The following GRB2 variants were observed in gnomAD, a reference collection of about 807,000 sequenced individuals.
GRB2 encodes growth factor receptor bound protein 2, also known as growth factor receptor-bound protein 2.
GRB2 carries 2 observed loss-of-function variants against 27.4 expected under a neutral mutation model. The ratio of observed to expected loss-of-function variants is 0.07; its 90% CI spans 0.03 to 0.23. The LOEUF (loss-of-function observed/expected upper bound fraction) is 0.23. Ranked by LOEUF, GRB2 falls within the 10% of genes least tolerant of loss-of-function variation. The pLI, the probability that GRB2 is intolerant of heterozygous loss-of-function variation, is 1.00. For synonymous variants in GRB2, 94 were observed against 99.6 expected, an observed-to-expected ratio of 0.94 and a Z score of 0.33; for missense variants, 102 against 282.4, an observed-to-expected ratio of 0.36 and a Z score of 4.58.
intron 2 of GRB2, among the ~76,000 whole-genome samples, chr17:75,359,648 T>G (rs1005280556): frequency 6.6e-5 from 10 of 152,178 alleles, no homozygotes; most frequent in Admixed American, 2.0e-4. Context: ...CCTGCCTTCC[T>G]GCCTTGAACT....
At position 75,332,784 on chromosome 17, in the gene GRB2, T is replaced by A; in HGVS notation, c.92A>T (p.Glu31Val). The change falls in exon 3 of 6, where the codon GAA becomes GTA. Residue 31 changes from glutamate to valine, a missense_variant. Physicochemically the swap from Glu to Val is moderately radical, Grantham distance 121. Transcript: ENST00000316804. ...TGCCTTGTACCAGTTCTGATCACATTCTTCGTTCAAAACCTGAAAAGAAAT... is the reference window on the plus strand; with the variant it reads ...TGCCTTGTACCAGTTCTGATCACATACTTCGTTCAAAACCTGAAAAGAAAT... ...RGDILKVLNE[E>V]CDQNWYKAEL... is the part of the protein sequence containing the mutation. The A allele has an allele frequency of 1.2e-6, 2 of 1,603,710 alleles. No individual in the cohort carries two copies. The highest frequency in any genetic ancestry group is 1.7e-6 in the Non-Finnish European group (2 of 1,173,944).
chr17:75,389,468 T>C (rs887315401), intron 2 of GRB2, among the ~76,000 whole-genome samples: 5 of 152,236 alleles, frequency 3.3e-5, no homozygotes, highest in East Asian at 1.9e-4. Context: ...CCAAGAATGA[T>C]AGTTGTGTGA....
intron 2 of GRB2, among the ~76,000 whole-genome samples, chr17:75,339,562 G>A (rs939786637): frequency 1.3e-5 from 2 of 151,108 alleles, no homozygotes; most frequent in Non-Finnish European, 2.9e-5. Flanking sequence ...ACCTGGGTGT[G>A]TTCTGTTTGT....
intron 2 of GRB2, among the ~76,000 whole-genome samples, chr17:75,364,284 C>T (rs1361752420): frequency 1.3e-5 from 2 of 152,182 alleles, no homozygotes; most frequent in East Asian, 1.9e-4. Context: ...TATTACATAC[C>T]TATGTAGACA....
At chr17:75,327,973 G>A (rs1712114849) in intron 3 of GRB2, among the ~76,000 whole-genome samples, 1 of 151,082 alleles carries the variant, frequency 6.6e-6, no homozygotes, top group Non-Finnish European at 1.5e-5. Flanking sequence ...TGCAGTGCCT[G>A]GAAATCAGGC....
rs974411848 is a variant in GRB2, at chr17:75,390,760, G to A, written c.78+2791C>T. ...AAGTTAACCAGGAACTCCAAGACAG[G>A]AGAAGATGTGATCCTTCTGAACTAT... On this transcript the variant is annotated intron_variant, in intron 2 of 5. Coordinates refer to ENST00000316804, the MANE Select transcript of GRB2 (RefSeq NM_002086.5). Among the ~76,000 whole-genome samples the A allele has an allele frequency of 3.9e-5, 6 of 152,200 alleles. 1 individual carries two copies. In the East Asian group the frequency reaches 1.2e-3, roughly 29 times the overall value.
At chr17:75,329,903 A>T (rs1216846241) in intron 3 of GRB2, among the ~76,000 whole-genome samples, 4 of 152,218 alleles carry the variant, frequency 2.6e-5, no homozygotes, top group Non-Finnish European at 5.9e-5. Context: ...ATAGCATTTT[A>T]TATCATTTAT....
intron 2 of GRB2, among the ~76,000 whole-genome samples, chr17:75,351,620 C>T (rs774655942): frequency 2.6e-5 from 4 of 151,834 alleles, no homozygotes; most frequent in African/African-American, 4.8e-5. Context: ...GCCACTGCAC[C>T]CCAATCTGGG....
chr17:75,321,623 C>CTAAAAA (rs1373811853), intron 5 of GRB2, 36 bp downstream of exon 5: 1 of 1,602,816 alleles, frequency 6.2e-7, no homozygotes, highest in Non-Finnish European at 8.5e-7. Context: ...CTATTCTTAA[C>CTAAAAA]TAAAAATGAT....
chr17:75,388,488 G>A (rs7217695), intron 2 of GRB2, among the ~76,000 whole-genome samples: 3,220 of 151,442 alleles, frequency 0.021, 115 homozygotes, highest in African/African-American at 0.074. Context: ...AAAGGCAAAG[G>A]CTGGGTGCAA....
In GRB2 at chr17:75,339,414, C is replaced by T. The variant is rs570751906; in HGVS notation, c.79-6617G>A. Reference sequence around the variant, plus strand: ...TTCACTATGTTGGCCAGGATGGTCTCGATCACTTGACCCCCTGATCCACCC... The same window carrying T: ...TTCACTATGTTGGCCAGGATGGTCTTGATCACTTGACCCCCTGATCCACCC... On this transcript the variant is annotated intron_variant, in intron 2 of 5. Transcript: ENST00000316804. 2.6e-3 allele frequency among the ~76,000 whole-genome samples: 388 copies of T among 150,988 alleles called. 1 individual carries two copies. Among genetic ancestry groups the T allele is most frequent in the South Asian group, 5.2e-3 (25 of 4,772 alleles).
At chr17:75,392,284 G>A (rs986793896) in intron 2 of GRB2, among the ~76,000 whole-genome samples, 6 of 152,154 alleles carry the variant, frequency 3.9e-5, no homozygotes, top group Non-Finnish European at 5.9e-5. Context: ...GAATACCCTC[G>A]AAAAGTGTGG....
intron 2 of GRB2, among the ~76,000 whole-genome samples, chr17:75,386,421 G>C (rs2078964387): frequency 6.6e-6 from 1 of 152,084 alleles, no homozygotes; most frequent in Non-Finnish European, 1.5e-5. Flanking sequence ...CTTGGCCTTA[G>C]AACAAATTCT....
At position 75,405,633 on chromosome 17, in the gene GRB2, C is replaced by T. The variant is rs529671144; in HGVS notation, c.-282G>A. Reference sequence around the variant, plus strand: ...GCACAGACTCTGCCACAGCCGCCGCCGCCGCTGCCGCCGCCCGGTCGCCGA... The same window carrying T: ...GCACAGACTCTGCCACAGCCGCCGCTGCCGCTGCCGCCGCCCGGTCGCCGA... On this transcript the variant is annotated 5_prime_UTR_variant, in exon 1 of 6. Transcript: ENST00000316804. The T allele has an allele frequency of 4.3e-5, 7 of 162,536 alleles. No individual in the cohort carries two copies. The South Asian group carries it at 6.8e-4, about 16-fold the overall frequency. The allele number at this position is 162,536 out of a possible 1,614,324, so 10.1% of individuals were successfully genotyped here.
At chr17:75,393,134 C>T (rs1367721454) in intron 2 of GRB2, among the ~76,000 whole-genome samples, 1 of 152,152 alleles carries the variant, frequency 6.6e-6, no homozygotes, top group African/African-American at 2.4e-5. Context: ...TATTCCAGAA[C>T]GCAAAATCCT....
chr17:75,333,640 A>C (rs1044149230), intron 2 of GRB2, among the ~76,000 whole-genome samples: 8 of 152,152 alleles, frequency 5.3e-5, no homozygotes, highest in Admixed American at 1.3e-4. Flanking sequence ...CGGGTCACCC[A>C]CCAAACAGCT....
chr17:75,379,109 T>C (rs2078911892), intron 2 of GRB2, among the ~76,000 whole-genome samples: 2 of 152,188 alleles, frequency 1.3e-5, no homozygotes, highest in African/African-American at 4.8e-5. Context: ...TATGGTTTCA[T>C]TGTTATGTTT....
At chr17:75,350,739 A>C (rs922866777) in intron 2 of GRB2, among the ~76,000 whole-genome samples, 1 of 152,064 alleles carries the variant, frequency 6.6e-6, no homozygotes, top group Non-Finnish European at 1.5e-5. Flanking sequence ...TGATCCGCCC[A>C]CCTTGGCCTC....
At chr17:75,329,746 G>A (rs975293171) in intron 3 of GRB2, among the ~76,000 whole-genome samples, 10 of 151,998 alleles carry the variant, frequency 6.6e-5, no homozygotes, top group Admixed American at 5.9e-4. Flanking sequence ...TAAAAAATTA[G>A]CCAGGCATAG....
Sources: gnomAD v4.1 joint callset for allele counts (sites outside exome capture counted in the v4.1 genomes callset) on GRCh38, gnomAD v4.1.1 for gene constraint, MANE v1.5 for transcripts, NCBI Gene and HGNC (gene_info 2026-07-23, HGNC 2026-07-21) for gene names.